MEGF8: variants seen among roughly 807,000 people sequenced by gnomAD.
The protein encoded by MEGF8 is multiple epidermal growth factor-like domains protein 8.
In MEGF8, 156 loss-of-function variants were observed where a neutral mutation model predicts 302.9. The observed-to-expected ratio is 0.52, with a 90% CI of 0.45 to 0.59. The LOEUF (loss-of-function observed/expected upper bound fraction) is 0.59. Among genes scored for constraint, MEGF8 ranks in the 20% least tolerant of loss-of-function variants. The pLI, the probability that MEGF8 is intolerant of heterozygous loss-of-function variation, is 0.00. For synonymous variants in MEGF8, 1,621 were observed against 1,660.5 expected (o/e 0.98, Z 0.58); for missense variants, 3,345 against 3,964.5 (o/e 0.84, Z 4.20).
In MEGF8 at chr19:42,344,597, C is replaced by T; in HGVS notation, c.1933+12C>T. On this transcript the variant is annotated intron_variant, in intron 11 of 41. Transcript: ENST00000251268. This position sits in a 1 kb window ranked among gnomAD's most constrained non-coding sequence, Gnocchi z 4.5. ...CCTCCCTAGGCCTGGTGAGTGTCCGCAGCAGTGGGCCGGCAGGAGGGGGCC... is the reference window on the plus strand; with the variant it reads ...CCTCCCTAGGCCTGGTGAGTGTCCGTAGCAGTGGGCCGGCAGGAGGGGGCC... 3 of 1,585,030 alleles carry T rather than the reference C, an allele frequency of 1.9e-6. No homozygotes were observed. Among genetic ancestry groups the T allele is most frequent in the Non-Finnish European group, 2.6e-6 (3 of 1,164,928 alleles).
Position 42,355,961 on chromosome 19 carries a change from C to T in MEGF8, c.4348C>T (p.Pro1450Ser). 1 of 1,612,110 alleles carries T rather than the reference C, an allele frequency of 6.2e-7. No individual in the cohort carries two copies. The highest frequency in any genetic ancestry group is 8.5e-7 in the Non-Finnish European group (1 of 1,179,518). Reference protein sequence around the residue: ...AGPHCRMALCPENCNAHTGAG... With the variant: ...AGPHCRMALCSENCNAHTGAG... Reference sequence around the variant, plus strand: ...CCCACACTGCCGCATGGCTCTGTGTCCTGAGAACTGCAATGCCCACACTGG... The same window carrying T: ...CCCACACTGCCGCATGGCTCTGTGTTCTGAGAACTGCAATGCCCACACTGG... Residue 1450 changes from proline (P) to serine (S), a missense_variant, in exon 24 of 42, where the codon CCT becomes TCT. Physicochemically the swap from Pro to Ser is moderately conservative, Grantham distance 74. Coordinates refer to ENST00000251268, the MANE Select transcript of MEGF8 (RefSeq NM_001271938.2).
chr19:42,359,363 C>T lies in MEGF8; in HGVS notation c.5488+121C>T, dbSNP rs545306399. ...CCTGCAGACCCACTGGCAGAGCTCC[C>T]GCTCTTCTGGATTATCTGAACACCA... On this transcript the variant is annotated intron_variant, in intron 31 of 41. Transcript: ENST00000251268. 5.2e-5 allele frequency: 46 copies of T among 878,714 alleles called. No individual in the cohort carries two copies. In the South Asian group the frequency reaches 5.3e-4, roughly 10 times the overall value. The allele number at this position is 878,714 out of a possible 1,614,324, so 54.4% of individuals were successfully genotyped here.
intron 1 of MEGF8, among the ~76,000 whole-genome samples, chr19:42,328,590 G>GTGTGTGTGTGTGTGTGTGTGT (rs57025235): frequency 6.6e-6 from 1 of 151,678 alleles, no homozygotes; most frequent in African/African-American, 2.4e-5. Flanking sequence ...GTGTGTGTGT[G>GTGTGTGTGTGTGTGTGTGTGT]GCGAAGGGGT....
At position 42,358,728 on chromosome 19, in the gene MEGF8, G is replaced by A; in HGVS notation, c.5176-59G>A. ...GTTTCCAAGCCCGTCTTGGAGGCAG[G>A]GGGCTAGAAGCAAGAGACTCGAGGA... On this transcript the variant is annotated intron_variant, in intron 29 of 41. Coordinates refer to ENST00000251268, the MANE Select transcript of MEGF8 (RefSeq NM_001271938.2). The surrounding 1 kb of genome is among the most constrained non-coding windows in gnomAD (Gnocchi z 4.4). 1.4e-6 allele frequency: 2 copies of A among 1,459,848 alleles called. No individual in the cohort carries two copies. Among genetic ancestry groups the A allele is most frequent in the Non-Finnish European group, 9.1e-7 (1 of 1,104,088 alleles). 90.4% of individuals were successfully genotyped at this position (1,459,848 alleles called of 1,614,324 possible).
Position 42,353,294 on chromosome 19 carries a change from C to T in MEGF8, c.3550+167C>T, listed in dbSNP as rs1251202576. Among the ~76,000 whole-genome samples, 3 of 152,234 alleles carry T rather than the reference C, an allele frequency of 2.0e-5. No individual in the cohort carries two copies. The highest frequency in any genetic ancestry group is 2.0e-4 in the Admixed American group (3 of 15,292). On this transcript the variant is annotated intron_variant, in intron 20 of 41. Coordinates refer to ENST00000251268, the MANE Select transcript of MEGF8 (RefSeq NM_001271938.2). The surrounding 1 kb of genome is among the most constrained non-coding windows in gnomAD (Gnocchi z 6.1). ...AAACAGGTTTCAGTGCCACCCGTCA[C>T]TCTGGTTGGGCTTCAGTTCCCCCTC... is the stretch of plus-strand genomic sequence containing the variant.
chr19:42,333,168 A>G (rs1009555257), intron 1 of MEGF8, among the ~76,000 whole-genome samples: 1 of 152,170 alleles, frequency 6.6e-6, no homozygotes, highest in African/African-American at 2.4e-5. Context: ...GGGTGGTGTC[A>G]CGGAGGTGCT....
Position 42,351,791 on chromosome 19 carries a change from G to T in MEGF8, c.3101+30G>T, listed in dbSNP as rs1288741704. 2.0e-6 allele frequency: 3 copies of T among 1,534,004 alleles called. No homozygotes were observed. The South Asian group carries it at 3.6e-5, about 18-fold the overall frequency. On this transcript the variant is annotated intron_variant, in intron 18 of 41. Coordinates refer to ENST00000251268, the MANE Select transcript of MEGF8 (RefSeq NM_001271938.2). This position sits in a 1 kb window ranked among gnomAD's most constrained non-coding sequence, Gnocchi z 5.6. ...GCCCGGGCAGGTGGGTGGGCAGGGT[G>T]CCCGGCTGTGTCCTTCCTCCATGAC...
chr19:42,329,854 A>G (rs562602392), intron 1 of MEGF8, among the ~76,000 whole-genome samples: 36 of 151,688 alleles, frequency 2.4e-4, no homozygotes, highest in Non-Finnish European at 3.5e-4. Flanking sequence ...CCTGGGCAGC[A>G]GAGCGAGACC....
At chr19:42,370,098 TG>T in intron 38 of MEGF8, 90 bp from the exon 39 acceptor site, 1 of 1,405,710 alleles carries the variant, frequency 7.1e-7, no homozygotes. Context: ...TGCCCTCCCG[TG>T]GGCTCTCAGA....
At chr19:42,366,194 C>T (rs1022139729) in intron 35 of MEGF8, among the ~76,000 whole-genome samples, 6 of 152,110 alleles carry the variant, frequency 3.9e-5, no homozygotes, top group Non-Finnish European at 5.9e-5. Flanking sequence ...CTAACCATCC[C>T]GCATTGTTCT....
rs1322352097 is a variant in MEGF8, at chr19:42,353,100, G to A, written c.3523G>A (p.Gly1175Ser). The A allele has an allele frequency of 6.5e-7, 1 of 1,547,870 alleles. No individual in the cohort carries two copies. The highest frequency in any genetic ancestry group is 8.7e-7 in the Non-Finnish European group (1 of 1,146,034). ...CSFHSHCRKRGPGFCDECQDW... is the reference protein window; with the variant it reads ...CSFHSHCRKRSPGFCDECQDW... The stretch of plus-strand genomic sequence containing the variant: ...CTTCCACAGCCACTGCCGCAAGCGG[G>A]GCCCTGGCTTCTGCGACGAGTGCCA... Residue 1175 changes from glycine to serine, a missense_variant, in exon 20 of 42, where the codon GGC (glycine) becomes AGC (serine). Transcript: ENST00000251268. The surrounding 1 kb of genome is among the most constrained non-coding windows in gnomAD (Gnocchi z 6.1).
At position 42,355,915 on chromosome 19, in the gene MEGF8, A is replaced by G. The variant is rs1342176184; in HGVS notation, c.4302A>G (p.Arg1434=). 6.2e-7 allele frequency: 1 copy of G among 1,600,936 alleles called. No homozygotes were observed. The change falls in exon 24 of 42, where the codon CGA becomes CGG. Residue 1434 remains arginine (R), a synonymous_variant. Transcript: ENST00000251268. ...GTGCTGCAGGTGCGGGGCTCTGCCG[A>G]TGTCCTCAGGGCTGGGCTGGCCCAC... is the stretch of plus-strand genomic sequence containing the variant. ...QDGAAGAGLC[R]CPQGWAGPHC... is the part of the protein sequence containing the mutation.
rs1012021018 is a variant in MEGF8, at chr19:42,326,387, G to A, written c.144G>A (p.Ala48=). 6 of 1,582,294 alleles carry A rather than the reference G, an allele frequency of 3.8e-6. No individual in the cohort carries two copies. In the African/African-American group the frequency reaches 4.1e-5, roughly 11 times the overall value. The stretch of plus-strand genomic sequence containing the variant: ...CGCCAGGCTTCGTGACGGATGGTGC[G>A]GGCAACTACAGCGTCAATGGCAACT... ...REAPGFVTDG[A]GNYSVNGNCE... is the part of the protein sequence containing the mutation. The change falls in exon 1 of 42, where the codon GCG becomes GCA. Residue 48 remains alanine (A), a synonymous_variant. Coordinates refer to ENST00000251268, the MANE Select transcript of MEGF8 (RefSeq NM_001271938.2).
At chr19:42,346,759 C>G (rs578083862) in intron 12 of MEGF8, among the ~76,000 whole-genome samples, 3 of 151,914 alleles carry the variant, frequency 2.0e-5, no homozygotes, top group African/African-American at 7.3e-5. Context: ...CCAAGGCAGG[C>G]GGATTACAAG....
intron 5 of MEGF8, 33 bp from the exon 6 acceptor site, chr19:42,335,898 T>G: frequency 6.9e-7 from 1 of 1,444,024 alleles, no homozygotes; most frequent in Non-Finnish European, 9.1e-7. Context: ...TCTTGCTGTG[T>G]CTCTACCTCT....
At position 42,352,342 on chromosome 19, in the gene MEGF8, G is replaced by A. The variant is rs762369657; in HGVS notation, c.3236G>A (p.Arg1079His). Reference protein sequence around the residue: ...YARCPDVDECRLGLARCHPRA... With the variant: ...YARCPDVDECHLGLARCHPRA... ...CGCTGTCCTGACGTGGATGAGTGTC[G>A]CCTGGGCCTGGCCCGGTGCCACCCG... The change falls in exon 19 of 42, where the codon CGC (arginine) becomes CAC (histidine). Residue 1079 changes from arginine (R) to histidine (H), a missense_variant. Coordinates refer to ENST00000251268, the MANE Select transcript of MEGF8 (RefSeq NM_001271938.2). The surrounding 1 kb of genome is among the most constrained non-coding windows in gnomAD (Gnocchi z 4.4). 3.0e-5 allele frequency: 47 copies of A among 1,586,698 alleles called. 1 individual carries two copies. The South Asian group carries it at 4.2e-4, about 14-fold the overall frequency.
At chr19:42,374,288 T>A (rs2039733970) in intron 41 of MEGF8, among the ~76,000 whole-genome samples, 1 of 151,896 alleles carries the variant, frequency 6.6e-6, no homozygotes, top group African/African-American at 2.4e-5. Context: ...CTGGCCAACA[T>A]GGTGAAACCC....
chr19:42,332,223 G>T (rs1320060966), intron 1 of MEGF8, among the ~76,000 whole-genome samples: 2 of 152,222 alleles, frequency 1.3e-5, no homozygotes, highest in Admixed American at 1.3e-4. Context: ...AGCTGGGGCT[G>T]CAGTCAGCTG....
Position 42,349,690 on chromosome 19 carries a change from A to G in MEGF8, c.2490A>G (p.Pro830=). 6.2e-7 allele frequency: 1 copy of G among 1,611,806 alleles called. No individual in the cohort carries two copies. Among genetic ancestry groups the G allele is most frequent in the Non-Finnish European group, 8.5e-7 (1 of 1,179,708 alleles). The change falls in exon 14 of 42, where the codon CCA becomes CCG. Residue 830 remains proline, a synonymous_variant. Transcript: ENST00000251268. ...TGCTGTGGGATCGGACTGGTGTGCC[A>G]GGAGGCAGCGTGAGTACCCAGGACC... ...LTLLWDRTGV[P]GGSEISFFFL...
Sources: allele counts gnomAD v4.1 joint callset (sites outside exome capture counted in the v4.1 genomes callset), GRCh38; gene constraint gnomAD v4.1.1; non-coding constraint Gnocchi (gnomAD v3.1); transcripts MANE v1.5; gene names NCBI Gene and HGNC (gene_info 2026-07-23, HGNC 2026-07-21).